Variants in SLIT2 observed in about 807,000 individuals in gnomAD.
SLIT2 encodes slit guidance ligand 2.
Under a neutral mutation model 185.7 loss-of-function variants are expected in SLIT2, and 41 were observed. That is an observed-to-expected ratio of 0.22 (90% CI 0.17 to 0.29). SLIT2 has a LOEUF of 0.29. Ranked by LOEUF, SLIT2 falls within the 10% of genes least tolerant of loss-of-function variation. The probability of loss-of-function intolerance (pLI) is 1.00; values close to 1 mark genes in which losing one functional copy is unlikely to be tolerated. For synonymous variants in SLIT2, 693 were observed against 680.2 expected, an observed-to-expected ratio of 1.02 and a Z score of -0.29; for missense variants, 1,571 against 1,909.0, an observed-to-expected ratio of 0.82 and a Z score of 3.30.
chr4:20,490,138 C>G lies in SLIT2; in HGVS notation c.775+1156C>G, dbSNP rs570326772. 2.6e-4 allele frequency among the ~76,000 whole-genome samples: 39 copies of G among 152,168 alleles called. 1 individual carries two copies. The highest frequency in any genetic ancestry group is 5.2e-4 in the Admixed American group (8 of 15,270). ...AATAAATAAATAAATAAGACATAGGCTGTGTCTAATATCAATCAATAGCTA... is the reference window on the plus strand; with the variant it reads ...AATAAATAAATAAATAAGACATAGGGTGTGTCTAATATCAATCAATAGCTA... On this transcript the variant is annotated intron_variant, in intron 8 of 36. Transcript: ENST00000504154.
chr4:20,620,328 T>G lies in SLIT2; in HGVS notation c.*1319T>G, dbSNP rs1045384769. 2 of 413,398 alleles carry G rather than the reference T, an allele frequency of 4.8e-6. No homozygotes were observed. The highest frequency in any genetic ancestry group is 7.5e-5 in the East Asian group (1 of 13,266). The allele number at this position is 413,398 out of a possible 1,614,324, so 25.6% of individuals were successfully genotyped here. On this transcript the variant is annotated 3_prime_UTR_variant, in exon 37 of 37. Coordinates refer to ENST00000504154, the MANE Select transcript of SLIT2 (RefSeq NM_004787.4). Reference sequence around the variant, plus strand: ...TTATCTTAATGCTCCCATGTTAACATGTTTGCTGCTAAATTACAATGTAGA... The same window carrying G: ...TTATCTTAATGCTCCCATGTTAACAGGTTTGCTGCTAAATTACAATGTAGA...
At chr4:20,594,997 A>G (rs952066274) in intron 30 of SLIT2, among the ~76,000 whole-genome samples, 1 of 152,128 alleles carries the variant, frequency 6.6e-6, no homozygotes, top group Admixed American at 6.5e-5. Context: ...TGTCAGCTGT[A>G]TTATTACTCC....
In SLIT2 at chr4:20,529,125, T is replaced by G. The variant is rs761060654; in HGVS notation, c.1613+26T>G. ...GTAAGTTCATCCCCCAACAAAATTC[T>G]GGTTGGGATGGAGGGAATGAAAGCA... On this transcript the variant is annotated intron_variant, in intron 16 of 36. Coordinates refer to ENST00000504154, the MANE Select transcript of SLIT2 (RefSeq NM_004787.4). 7.1e-6 allele frequency: 11 copies of G among 1,553,708 alleles called. No individual in the cohort carries two copies. In the South Asian group the frequency reaches 1.3e-4, roughly 19 times the overall value.
intron 4 of SLIT2, among the ~76,000 whole-genome samples, chr4:20,272,405 T>C (rs1323332756): frequency 6.6e-6 from 1 of 152,064 alleles, no homozygotes; most frequent in Non-Finnish European, 1.5e-5. Context: ...TTTAAAGAAA[T>C]CTGGAGCTGG....
At position 20,510,583 on chromosome 4, in the gene SLIT2, C is replaced by T. The variant is rs1308477529; in HGVS notation, c.986+17C>T. 6.7e-7 allele frequency: 1 copy of T among 1,487,144 alleles called. No homozygotes were observed. The highest frequency in any genetic ancestry group is 9.4e-7 in the Non-Finnish European group (1 of 1,067,044). The allele number at this position is 1,487,144 out of a possible 1,614,324, so 92.1% of individuals were successfully genotyped here. A position where few individuals can be genotyped will look rare whatever the true frequency, so the allele number is the denominator to read the frequency against. ...TAGACGAATGTGAGTGAACAATATT[C>T]TACAATATATGTAATTTTAAAAATT... is the stretch of plus-strand genomic sequence containing the variant. On this transcript the variant is annotated intron_variant, in intron 10 of 36. Coordinates refer to ENST00000504154, the MANE Select transcript of SLIT2 (RefSeq NM_004787.4).
intron 16 of SLIT2, 52 bp downstream of exon 16, chr4:20,529,151 T>G: frequency 7.2e-7 from 1 of 1,397,036 alleles, no homozygotes; most frequent in Non-Finnish European, 9.8e-7. Flanking sequence ...AATGAAAGCA[T>G]TAAAGCATAA....
chr4:20,553,137 T>A (rs1287128292), intron 25 of SLIT2, among the ~76,000 whole-genome samples: 1 of 152,144 alleles, frequency 6.6e-6, no homozygotes, highest in Non-Finnish European at 1.5e-5. Flanking sequence ...GCTCTAGACA[T>A]CTTCAGTATT....
At chr4:20,501,102 CATT>C (rs1422754567) in intron 9 of SLIT2, among the ~76,000 whole-genome samples, 2 of 151,968 alleles carry the variant, frequency 1.3e-5, no homozygotes, top group African/African-American at 2.4e-5. Flanking sequence ...AAACATCATT[CATT>C]ATTATTTTTA....
chr4:20,616,023 G>A (rs1729619749), intron 34 of SLIT2: 1 of 152,192 alleles, frequency 6.6e-6, no homozygotes, highest in Non-Finnish European at 1.5e-5. Context: ...CAAAATGAGT[G>A]TTACCAGATA....
chr4:20,592,239 G>A (rs1476157666), intron 30 of SLIT2, among the ~76,000 whole-genome samples: 1 of 152,048 alleles, frequency 6.6e-6, no homozygotes, highest in Admixed American at 6.6e-5. Context: ...TACTTTTATT[G>A]CTTTATTATA....
chr4:20,307,083 C>T (rs558480653), intron 4 of SLIT2, among the ~76,000 whole-genome samples: 128 of 140,438 alleles, frequency 9.1e-4, no homozygotes, highest in African/African-American at 3.2e-3. Context: ...GCCTCCATCC[C>T]TCCACCCGCT....
intron 4 of SLIT2, among the ~76,000 whole-genome samples, chr4:20,339,090 C>CAA (rs398051113): frequency 0.052 from 3,663 of 70,118 alleles, 174 homozygotes; most frequent in East Asian, 0.16. Context: ...GAGACACTCT[C>CAA]AAAAAAAAAA....
intron 9 of SLIT2, among the ~76,000 whole-genome samples, chr4:20,506,501 T>G (rs1719218737): frequency 6.6e-6 from 1 of 152,012 alleles, no homozygotes; most frequent in Non-Finnish European, 1.5e-5. Flanking sequence ...AAATGTAAAT[T>G]TTATTTGCCC....
chr4:20,420,304 A>C (rs538126211), intron 4 of SLIT2, among the ~76,000 whole-genome samples: 9 of 152,266 alleles, frequency 5.9e-5, no homozygotes, highest in African/African-American at 2.2e-4. Context: ...GTTTAGTTCC[A>C]AGAAGCCTTT....
chr4:20,396,440 A>C (rs1346812561), intron 4 of SLIT2, among the ~76,000 whole-genome samples: 1 of 151,802 alleles, frequency 6.6e-6, no homozygotes, highest in Non-Finnish European at 1.5e-5. Context: ...CCCCTCATCT[A>C]GTTACAAAAC....
chr4:20,373,100 A>G (rs994382233), intron 4 of SLIT2, among the ~76,000 whole-genome samples: 3 of 152,122 alleles, frequency 2.0e-5, no homozygotes, highest in African/African-American at 7.2e-5. Flanking sequence ...CAACTTACAC[A>G]TCTGACTTTG....
intron 3 of SLIT2, among the ~76,000 whole-genome samples, chr4:20,266,252 TG>T (rs1713025959): frequency 6.6e-6 from 1 of 151,982 alleles, no homozygotes. Flanking sequence ...ACTATACTGA[TG>T]TAGACTCGTT....
At chr4:20,521,733 A>G (rs1180251942) in intron 12 of SLIT2, among the ~76,000 whole-genome samples, 1 of 152,168 alleles carries the variant, frequency 6.6e-6, no homozygotes, top group African/African-American at 2.4e-5. Context: ...CTGATGGGGA[A>G]TCAAAGAGCA....
chr4:20,506,338 CA>C (rs546548278), intron 9 of SLIT2, among the ~76,000 whole-genome samples: 52 of 152,098 alleles, frequency 3.4e-4, no homozygotes, highest in African/African-American at 1.2e-3. Context: ...CCATGGCATG[CA>C]AATATATCTT....
Sources: allele counts gnomAD v4.1 joint callset (sites outside exome capture counted in the v4.1 genomes callset), GRCh38; gene constraint gnomAD v4.1.1; transcripts MANE v1.5; gene names NCBI Gene and HGNC (gene_info 2026-07-23, HGNC 2026-07-21).